The following IL1RAP variants were observed in gnomAD, a reference collection of about 807,000 sequenced individuals.
IL1RAP encodes the protein interleukin 1 receptor accessory protein, also known as interleukin-1 receptor accessory protein.
In IL1RAP, 35 loss-of-function variants were observed where a neutral mutation model predicts 60.7. The observed-to-expected ratio is 0.58, with a 90% CI of 0.44 to 0.76. The LOEUF is 0.76. Among genes scored for constraint, IL1RAP ranks in the 30% least tolerant of loss-of-function variants. The pLI is 0.00. For synonymous variants in IL1RAP, 268 were observed against 250.9 expected (o/e 1.07, Z -0.64); for missense variants, 572 against 693.9 (o/e 0.82, Z 1.97).
chr3:190,543,104 G>A (rs1724084578), intron 1 of IL1RAP, among the ~76,000 whole-genome samples: 1 of 152,068 alleles, frequency 6.6e-6, no homozygotes, highest in African/African-American at 2.4e-5. Context: ...GCAAATGTAT[G>A]TATTATAAAG....
intron 5 of IL1RAP, among the ~76,000 whole-genome samples, chr3:190,610,039 G>A (rs1025427284): frequency 6.6e-6 from 1 of 152,178 alleles, no homozygotes; most frequent in South Asian, 2.1e-4. Flanking sequence ...AAGCTCTGAA[G>A]GGGTGGGAAA....
At chr3:190,631,182 T>C (rs1732760546) in intron 9 of IL1RAP, among the ~76,000 whole-genome samples, 1 of 152,212 alleles carries the variant, frequency 6.6e-6, no homozygotes, top group Admixed American at 6.5e-5. Flanking sequence ...TCCAGATTTC[T>C]TAAGTATGGA....
chr3:190,650,921 T>G lies in IL1RAP; in HGVS notation c.*2216T>G. The G allele has an allele frequency of 2.0e-6, 2 of 985,316 alleles. No homozygotes were observed. The highest frequency in any genetic ancestry group is 2.4e-6 in the Non-Finnish European group (2 of 829,800). 61.0% of individuals were successfully genotyped at this position (985,316 alleles called of 1,614,324 possible). On this transcript the variant is annotated 3_prime_UTR_variant, in exon 12 of 12. Coordinates refer to ENST00000447382, the MANE Select transcript of IL1RAP (RefSeq NM_002182.4). ...CCTTTTGCACTTTTGGATTCCATAT[T>G]TATCCCAAATGCTGTTGGGCACCCC...
rs77152095 is a variant in IL1RAP at position 190,600,873 on chromosome 3, T to C, written c.65-3255T>C. On this transcript the variant is annotated intron_variant, in intron 3 of 11. Transcript: ENST00000447382. ...TTCTCTGCTGCTGGTTTAGGATTTG[T>C]CTTTTTAGGTGTGTTAAGTCTGTTA... Among the ~76,000 whole-genome samples the C allele has an allele frequency of 8.3e-4, 126 of 152,356 alleles. 1 individual carries two copies. Among genetic ancestry groups the C allele is most frequent in the Non-Finnish European group, 1.5e-3 (105 of 68,026 alleles).
At chr3:190,622,592 C>A (rs143207452) in intron 6 of IL1RAP, among the ~76,000 whole-genome samples, 1 of 152,314 alleles carries the variant, frequency 6.6e-6, no homozygotes, top group Non-Finnish European at 1.5e-5. Context: ...TTTGGTATAA[C>A]TGCTCACAAA....
intron 7 of IL1RAP, among the ~76,000 whole-genome samples, chr3:190,624,311 C>T (rs1732040197): frequency 2.0e-5 from 3 of 152,204 alleles, no homozygotes; most frequent in African/African-American, 7.2e-5. Context: ...GGGTAACATC[C>T]GTCCAGGCTT....
chr3:190,534,265 C>T (rs1231206285), intron 1 of IL1RAP, among the ~76,000 whole-genome samples: 2 of 143,726 alleles, frequency 1.4e-5, no homozygotes, highest in African/African-American at 2.9e-5. Flanking sequence ...TAATCTCCAG[C>T]CCACTTCATT....
chr3:190,644,330 C>T lies in IL1RAP; in HGVS notation c.1134C>T (p.Tyr378=). Reference sequence around the variant, plus strand: ...TAGTGGTGATTCTCATTGTTGTTTACCATGTTTACTGGCTAGAGATGGTCC... The same window carrying T: ...TAGTGGTGATTCTCATTGTTGTTTATCATGTTTACTGGCTAGAGATGGTCC... ...VLLVVILIVV[Y]HVYWLEMVLF... The change falls in exon 10 of 12, where the codon TAC becomes TAT. Residue 378 remains tyrosine, a synonymous_variant. Coordinates refer to ENST00000447382, the MANE Select transcript of IL1RAP (RefSeq NM_002182.4). 6.2e-7 allele frequency: 1 copy of T among 1,613,958 alleles called. No individual in the cohort carries two copies. Among genetic ancestry groups the T allele is most frequent in the Non-Finnish European group, 8.5e-7 (1 of 1,179,928 alleles).
intron 3 of IL1RAP, among the ~76,000 whole-genome samples, chr3:190,569,611 A>T (rs990577791): frequency 2.0e-5 from 3 of 148,962 alleles, no homozygotes; most frequent in African/African-American, 7.5e-5. Context: ...AGCTGTGTTT[A>T]TAGCTTGAAG....
chr3:190,598,340 T>G (rs911320967), intron 3 of IL1RAP, among the ~76,000 whole-genome samples: 2 of 152,128 alleles, frequency 1.3e-5, no homozygotes, highest in African/African-American at 2.4e-5. Context: ...TTCTATATAC[T>G]TTATCATTCA....
At chr3:190,623,439 T>A (rs769601666) in intron 7 of IL1RAP, 24 bp downstream of exon 7, 3 of 1,519,860 alleles carry the variant, frequency 2.0e-6, no homozygotes, top group Non-Finnish European at 2.7e-6. Flanking sequence ...TGTCTCTGAA[T>A]TTCACTTAGA....
intron 3 of IL1RAP, among the ~76,000 whole-genome samples, chr3:190,591,694 T>G (rs1343852155): frequency 2.0e-5 from 3 of 152,208 alleles, no homozygotes; most frequent in African/African-American, 7.2e-5. Context: ...GGATCCTGAA[T>G]AAATATTATC....
chr3:190,531,508 CAT>C (rs1419111418), intron 1 of IL1RAP, among the ~76,000 whole-genome samples: 1 of 152,206 alleles, frequency 6.6e-6, no homozygotes, highest in Admixed American at 6.5e-5. Context: ...GAAATCTACA[CAT>C]CTTTGAATTA....
At chr3:190,519,562 T>C (rs9290935) in intron 1 of IL1RAP, among the ~76,000 whole-genome samples, 61,157 of 151,642 alleles carry the variant, frequency 0.4, 14,872 homozygotes, top group African/African-American at 0.69. Flanking sequence ...ACCATGAAAT[T>C]TGGAAACTCA....
At chr3:190,595,900 G>T (rs1201341198) in intron 3 of IL1RAP, among the ~76,000 whole-genome samples, 1 of 152,118 alleles carries the variant, frequency 6.6e-6, no homozygotes, top group African/African-American at 2.4e-5. Context: ...TCTTTCTTTT[G>T]TGAAGATTGT....
downstream of IL1RAP, among the ~76,000 whole-genome samples, chr3:190,654,345 G>A (rs1227554865): frequency 6.6e-6 from 1 of 152,126 alleles, no homozygotes; most frequent in Non-Finnish European, 1.5e-5. Flanking sequence ...TCTGATTTAT[G>A]AGAGGCAGCC....
At chr3:190,561,386 C>A (rs1413645595) in intron 2 of IL1RAP, among the ~76,000 whole-genome samples, 1 of 152,174 alleles carries the variant, frequency 6.6e-6, no homozygotes, top group Admixed American at 6.5e-5. Flanking sequence ...CTGCTTTATT[C>A]TAATTCATCA....
rs1201229226 is a variant in IL1RAP at position 190,573,483 on chromosome 3, TAGTAATCGGA to T, written c.64+9134_64+9143del. The stretch of plus-strand genomic sequence containing the variant: ...TCATGGAAATTGTGAATGGAGTAAT[TAGTAATCGGA>T]AGTGTTGGAGGACTTTCTCCCTCCC... On this transcript the variant is annotated intron_variant, in intron 3 of 11. Transcript: ENST00000447382. Among the ~76,000 whole-genome samples the T allele has an allele frequency of 4.6e-5, 7 of 152,234 alleles. No homozygotes were observed. The East Asian group carries it at 1.4e-3, about 29-fold the overall frequency.
intron 1 of IL1RAP, among the ~76,000 whole-genome samples, chr3:190,555,385 G>T (rs920349176): frequency 6.6e-6 from 1 of 152,066 alleles, no homozygotes; most frequent in Non-Finnish European, 1.5e-5. Flanking sequence ...TATACTGTGT[G>T]GGGGGAGGTT....
Sources: allele counts gnomAD v4.1 joint callset (sites outside exome capture counted in the v4.1 genomes callset), GRCh38; gene constraint gnomAD v4.1.1; transcripts MANE v1.5; gene names NCBI Gene and HGNC (gene_info 2026-07-23, HGNC 2026-07-21).